Variants in TNKS observed in about 807,000 individuals in gnomAD.
TNKS encodes the protein poly [ADP-ribose] polymerase tankyrase-1.
TNKS carries 72 observed loss-of-function variants against 135.8 expected under a neutral mutation model. The ratio of observed to expected loss-of-function variants is 0.53; its 90% CI spans 0.44 to 0.64. The LOEUF (loss-of-function observed/expected upper bound fraction) is 0.64. TNKS is among the 30% of genes least tolerant of loss of function. The pLI is 0.00. For synonymous variants in TNKS, 849 were observed against 649.3 expected (o/e 1.31, Z -4.68); for missense variants, 1,769 against 1,674.0 (o/e 1.06, Z -0.99).
In TNKS at chr8:9,704,773, T is replaced by A. The variant is rs1052089285; in HGVS notation, c.1202+16T>A. 2 of 1,602,684 alleles carry A rather than the reference T, an allele frequency of 1.2e-6. No homozygotes were observed. The highest frequency in any genetic ancestry group is 1.7e-6 in the Non-Finnish European group (2 of 1,171,992). On this transcript the variant is annotated intron_variant, in intron 6 of 26. Coordinates refer to ENST00000310430, the MANE Select transcript of TNKS (RefSeq NM_003747.3). The stretch of plus-strand genomic sequence containing the variant: ...AAGACAAAGGGTAGGTCTATCAGTT[T>A]ACTTCCTGTCAGTGCTTTGTTTTTT...
At chr8:9,627,116 A>G (rs531649623) in intron 3 of TNKS, among the ~76,000 whole-genome samples, 13 of 152,296 alleles carry the variant, frequency 8.5e-5, no homozygotes, top group Admixed American at 7.8e-4. Context: ...TGAAGCCTCC[A>G]TGAAGACTCA....
At chr8:9,748,252 C>G in intron 18 of TNKS, 40 bp downstream of exon 18, 2 of 1,397,862 alleles carry the variant, frequency 1.4e-6, no homozygotes, top group Non-Finnish European at 1.9e-6. Context: ...GTTCCTTCTA[C>G]TTTCACAGAT....
chr8:9,699,955 A>C (rs1034741682), intron 5 of TNKS, among the ~76,000 whole-genome samples: 2 of 152,206 alleles, frequency 1.3e-5, no homozygotes, highest in Non-Finnish European at 2.9e-5. Flanking sequence ...TACCTTGTCC[A>C]CTGAATATTA....
intron 1 of TNKS, among the ~76,000 whole-genome samples, chr8:9,578,397 C>T (rs571444312): frequency 1.3e-5 from 2 of 152,342 alleles, no homozygotes; most frequent in South Asian, 4.1e-4. Flanking sequence ...AAGATGCTGA[C>T]AGTTTACTTG....
intron 2 of TNKS, among the ~76,000 whole-genome samples, chr8:9,602,240 A>C (rs557986204): frequency 1.5e-3 from 226 of 152,338 alleles, no homozygotes; most frequent in African/African-American, 5.3e-3. Context: ...TTGTAGGTTT[A>C]GCTAGTTGAT....
chr8:9,623,663 G>T (rs1372498530), intron 3 of TNKS, among the ~76,000 whole-genome samples: 1 of 152,162 alleles, frequency 6.6e-6, no homozygotes, highest in Admixed American at 6.5e-5. Flanking sequence ...TCTGCAAAGT[G>T]CAATAAAATG....
intron 3 of TNKS, among the ~76,000 whole-genome samples, chr8:9,668,955 G>GATT (rs141294183): frequency 2.2e-4 from 34 of 151,950 alleles, no homozygotes; most frequent in African/African-American, 5.3e-4. Flanking sequence ...ATACTATTTT[G>GATT]ATTATTATTA....
chr8:9,667,286 T>C (rs1461403011), intron 3 of TNKS, among the ~76,000 whole-genome samples: 1 of 152,254 alleles, frequency 6.6e-6, no homozygotes, highest in Non-Finnish European at 1.5e-5. Context: ...AAGAAACTGC[T>C]GTATATGTAG....
intron 26 of TNKS, among the ~76,000 whole-genome samples, chr8:9,774,026 G>A (rs1324844713): frequency 6.6e-6 from 1 of 152,084 alleles, no homozygotes; most frequent in Admixed American, 6.6e-5. Flanking sequence ...AGTAGTATTC[G>A]TTATTGGTGG....
intron 20 of TNKS, among the ~76,000 whole-genome samples, chr8:9,759,952 G>T (rs764619627): frequency 5.9e-5 from 9 of 151,590 alleles, no homozygotes; most frequent in Admixed American, 2.0e-4. Flanking sequence ...CACTCCAGCC[G>T]GGGCGACAGA....
intron 3 of TNKS, 52 bp downstream of exon 3, chr8:9,615,729 G>C (rs1428706760): frequency 2.8e-6 from 4 of 1,423,808 alleles, no homozygotes; most frequent in Non-Finnish European, 3.8e-6. Flanking sequence ...CTCCTTACTT[G>C]ATTTTATAAA....
intron 1 of TNKS, among the ~76,000 whole-genome samples, chr8:9,565,852 G>C (rs1460471544): frequency 1.3e-5 from 2 of 151,738 alleles, no homozygotes; most frequent in Non-Finnish European, 2.9e-5. Flanking sequence ...GCAAGACTCC[G>C]TCTCAAAAAA....
At chr8:9,764,373 A>T (rs376241648) in intron 22 of TNKS, among the ~76,000 whole-genome samples, 1 of 152,270 alleles carries the variant, frequency 6.6e-6, no homozygotes, top group East Asian at 1.9e-4. Context: ...CATTTGTCCA[A>T]CGGGCATTTA....
chr8:9,566,640 C>T (rs1304724626), intron 1 of TNKS: 3 of 120,124 alleles, frequency 2.5e-5, no homozygotes, highest in Admixed American at 1.2e-4. Context: ...CTCGCTCTGT[C>T]GCCCAGGCCG....
At chr8:9,705,417 G>A (rs190557348) in intron 6 of TNKS, among the ~76,000 whole-genome samples, 13 of 152,358 alleles carry the variant, frequency 8.5e-5, no homozygotes, top group African/African-American at 2.9e-4. Flanking sequence ...ACCCAGGTAA[G>A]GTAGATTATG....
chr8:9,592,892 A>G (rs1798639231), intron 2 of TNKS, among the ~76,000 whole-genome samples: 1 of 152,364 alleles, frequency 6.6e-6, no homozygotes, highest in Non-Finnish European at 1.5e-5. Flanking sequence ...ATATACAAAT[A>G]TAAAACACAT....
At chr8:9,709,086 A>G (rs1804193261) in intron 9 of TNKS, among the ~76,000 whole-genome samples, 1 of 152,204 alleles carries the variant, frequency 6.6e-6, no homozygotes, top group African/African-American at 2.4e-5. Context: ...GATCGCTCCT[A>G]AATTCAGAAT....
intron 3 of TNKS, among the ~76,000 whole-genome samples, chr8:9,618,580 T>G (rs1490104132): frequency 6.6e-6 from 1 of 152,204 alleles, no homozygotes. Context: ...GTTTGTTCAT[T>G]TTTTGTTTTA....
intron 5 of TNKS, among the ~76,000 whole-genome samples, chr8:9,687,445 T>C (rs562927908): frequency 2.0e-5 from 3 of 152,350 alleles, no homozygotes; most frequent in Admixed American, 1.3e-4. Context: ...TTTATGCTTA[T>C]GTATATTCAT....
Sources: gnomAD v4.1 joint callset for allele counts (sites outside exome capture counted in the v4.1 genomes callset) on GRCh38, gnomAD v4.1.1 for gene constraint, MANE v1.5 for transcripts, NCBI Gene and HGNC (gene_info 2026-07-23, HGNC 2026-07-21) for gene names.